Variants in CTSB observed in about 807,000 individuals in gnomAD.
CTSB encodes APP secretase.
CTSB carries 57 observed loss-of-function variants against 44.3 expected under a neutral mutation model. That is an observed-to-expected ratio of 1.29 (90% CI 1.04 to 1.60). CTSB has a LOEUF of 1.60. Among genes scored for constraint, CTSB ranks in the 40% most tolerant of loss-of-function variants. CTSB has a pLI of 0.00. For synonymous variants in CTSB, 320 were observed against 168.0 expected, an observed-to-expected ratio of 1.91 and a Z score of -7.00; for missense variants, 768 against 443.0, an observed-to-expected ratio of 1.73 and a Z score of -6.59.
At chr8:11,866,080 C>A (rs1223242194) in intron 1 of CTSB, among the ~76,000 whole-genome samples, 1 of 151,870 alleles carries the variant, frequency 6.6e-6, no homozygotes, top group Non-Finnish European at 1.5e-5. Flanking sequence ...GACAGACATC[C>A]CAAGGCACCC....
At chr8:11,851,807 C>G (rs1961986) in intron 3 of CTSB, among the ~76,000 whole-genome samples, 56,484 of 151,908 alleles carry the variant, frequency 0.37, 10,570 homozygotes, top group East Asian at 0.49. Flanking sequence ...GCTGGGATTA[C>G]AGGCGCCCGC....
Position 11,849,030 on chromosome 8 carries a change from G to C in CTSB, c.446+16C>G. On this transcript the variant is annotated intron_variant, in intron 5 of 9. Coordinates refer to ENST00000353047, the MANE Select transcript of CTSB (RefSeq NM_001908.5). Reference sequence around the variant, plus strand: ...TCTCAGCACTAAACCCGCTGTGGAAGCACAGCCTGACTCACCCGTCCCCAC... The same window carrying C: ...TCTCAGCACTAAACCCGCTGTGGAACCACAGCCTGACTCACCCGTCCCCAC... The C allele has an allele frequency of 1.3e-6, 2 of 1,590,144 alleles. No homozygotes were observed. The highest frequency in any genetic ancestry group is 1.7e-6 in the Non-Finnish European group (2 of 1,159,528).
At chr8:11,856,059 A>G (rs928157061) in intron 1 of CTSB, among the ~76,000 whole-genome samples, 1 of 152,036 alleles carries the variant, frequency 6.6e-6, no homozygotes, top group African/African-American at 2.4e-5. Context: ...AATAAGTTCA[A>G]CCTCAGGGAG....
At chr8:11,865,962 T>C (rs924892334) in intron 1 of CTSB, among the ~76,000 whole-genome samples, 12 of 138,706 alleles carry the variant, frequency 8.7e-5, no homozygotes, top group African/African-American at 3.3e-4. Context: ...GAGGTGGCAG[T>C]GAACCGAGAT....
In CTSB at chr8:11,847,587, C is replaced by T. The variant is rs1371663343; in HGVS notation, c.676+92G>A. On this transcript the variant is annotated intron_variant, in intron 7 of 9. Transcript: ENST00000353047. ...CCTAGAGTTCCGGGACCCCAAGGCT[C>T]CTCAGCCCTGACCTCTTCGCTGCAG... is the stretch of plus-strand genomic sequence containing the variant. 6.4e-6 allele frequency: 9 copies of T among 1,405,988 alleles called. No individual in the cohort carries two copies. In the East Asian group the frequency reaches 9.8e-5, roughly 15 times the overall value. 87.1% of individuals were successfully genotyped at this position (1,405,988 alleles called of 1,614,324 possible). A position where few individuals can be genotyped will look rare whatever the true frequency, so the allele number is the denominator to read the frequency against.
At chr8:11,859,393 C>T (rs557362305) in intron 1 of CTSB, among the ~76,000 whole-genome samples, 5 of 152,140 alleles carry the variant, frequency 3.3e-5, no homozygotes, top group Non-Finnish European at 4.4e-5. Flanking sequence ...AGAGGAGGTG[C>T]GGCTAAGTCA....
At position 11,844,583 on chromosome 8, in the gene CTSB, ACTT is replaced by A. The variant is rs1260060298; in HGVS notation, c.*539_*541del. 3 of 152,798 alleles carry A rather than the reference ACTT, an allele frequency of 2.0e-5. No individual in the cohort carries two copies. Among genetic ancestry groups the A allele is most frequent in the Admixed American group, 1.3e-4 (2 of 15,390 alleles). 9.5% of individuals were successfully genotyped at this position (152,798 alleles called of 1,614,324 possible). The stretch of plus-strand genomic sequence containing the variant: ...TTAGCAGAGTGCACGAAAAAATAAA[ACTT>A]CTATTAAAGAATCATGCTGAGCACA... On this transcript the variant is annotated 3_prime_UTR_variant, in exon 10 of 10. Transcript: ENST00000353047.
At chr8:11,849,445 A>C in intron 4 of CTSB, 1 of 246,432 alleles carries the variant, frequency 4.1e-6, no homozygotes. Flanking sequence ...CACTTGCCCC[A>C]CTCTCCTGCC....
intron 1 of CTSB, among the ~76,000 whole-genome samples, chr8:11,857,033 G>A (rs1184598331): frequency 6.6e-6 from 1 of 152,084 alleles, no homozygotes; most frequent in African/African-American, 2.4e-5. Flanking sequence ...TTCCTCCCTA[G>A]TGACTTTGAG....
intron 1 of CTSB, among the ~76,000 whole-genome samples, chr8:11,856,100 T>C (rs1028788096): frequency 7.2e-5 from 11 of 151,978 alleles, no homozygotes; most frequent in Non-Finnish European, 1.2e-4. Flanking sequence ...GTATTCAGCA[T>C]GTATCAGATT....
intron 1 of CTSB, among the ~76,000 whole-genome samples, chr8:11,857,440 G>C (rs76481141): frequency 0.014 from 2,088 of 152,298 alleles, 67 homozygotes; most frequent in African/African-American, 0.048. Context: ...TGTCTCGTGG[G>C]CAGACAGCAG....
rs772090473 is a variant in CTSB at position 11,848,102 on chromosome 8, C to A, written c.497G>T (p.Gly166Val). 2 of 1,614,112 alleles carry A rather than the reference C, an allele frequency of 1.2e-6. No homozygotes were observed. The highest frequency in any genetic ancestry group is 8.5e-7 in the Non-Finnish European group (1 of 1,179,962). ...TTCATAGAGGCCACCAGAAACCAGG[C>A]CTTTTCTTGTCCAGAAGTTCCAAGC... The part of the protein sequence containing the change: ...AEAWNFWTRK[G>V]LVSGGLYESH... Residue 166 changes from glycine (G) to valine (V), a missense_variant, in exon 6 of 10, where the codon GGC becomes GTC. Physicochemically the swap from Gly to Val is moderately radical, Grantham distance 109. Coordinates refer to ENST00000353047, the MANE Select transcript of CTSB (RefSeq NM_001908.5).
intron 1 of CTSB, among the ~76,000 whole-genome samples, chr8:11,863,694 T>C (rs940511936): frequency 1.1e-4 from 17 of 152,146 alleles, no homozygotes; most frequent in Admixed American, 7.9e-4. Context: ...ACAGCAAAGA[T>C]TAAATTTGAA....
At chr8:11,860,936 C>G (rs1041509087) in intron 1 of CTSB, among the ~76,000 whole-genome samples, 1 of 152,230 alleles carries the variant, frequency 6.6e-6, no homozygotes, top group African/African-American at 2.4e-5. Flanking sequence ...GCCAGACACA[C>G]CTCAATGCTG....
chr8:11,854,332 C>T (rs1815146563), intron 1 of CTSB, among the ~76,000 whole-genome samples: 1 of 152,172 alleles, frequency 6.6e-6, no homozygotes, highest in South Asian at 2.1e-4. Flanking sequence ...GGTCACAGGT[C>T]GTCATGAAAG....
chr8:11,856,661 A>G (rs1357394615), intron 1 of CTSB, among the ~76,000 whole-genome samples: 2 of 152,172 alleles, frequency 1.3e-5, no homozygotes, highest in Non-Finnish European at 2.9e-5. Context: ...ACAGAGTAAA[A>G]ATGCCCCAAG....
intron 1 of CTSB, among the ~76,000 whole-genome samples, chr8:11,859,739 G>A (rs1237663884): frequency 3.2e-5 from 4 of 124,070 alleles, no homozygotes; most frequent in African/African-American, 1.2e-4. Context: ...CTGCACTCCA[G>A]CCTGGGCAAC....
intron 1 of CTSB, among the ~76,000 whole-genome samples, chr8:11,857,138 C>G (rs1388091036): frequency 8.5e-5 from 13 of 152,166 alleles, no homozygotes; most frequent in Admixed American, 8.5e-4. Flanking sequence ...ATTCTTGTGC[C>G]TCAGCCTCCT....
intron 1 of CTSB, among the ~76,000 whole-genome samples, chr8:11,861,872 C>A (rs1484773274): frequency 2.6e-5 from 4 of 152,216 alleles, no homozygotes; most frequent in African/African-American, 9.6e-5. Flanking sequence ...GGCGAGATTA[C>A]ACCAGGGTAG....
Sources: gnomAD v4.1 joint callset for allele counts (sites outside exome capture counted in the v4.1 genomes callset) on GRCh38, gnomAD v4.1.1 for gene constraint, MANE v1.5 for transcripts, NCBI Gene and HGNC (gene_info 2026-07-23, HGNC 2026-07-21) for gene names.